ETV1: variants seen among roughly 807,000 people sequenced by gnomAD.
ETV1 encodes ETS variant transcription factor 1, also known as ETS translocation variant 1.
Under a neutral mutation model 62.3 loss-of-function variants are expected in ETV1, and 27 were observed. The ratio of observed to expected loss-of-function variants is 0.43; its 90% CI spans 0.32 to 0.60. The LOEUF is 0.60. Among genes scored for constraint, ETV1 ranks in the 20% least tolerant of loss-of-function variants. ETV1 has a pLI of 0.06. For synonymous variants in ETV1, 222 were observed against 199.6 expected (o/e 1.11, Z -0.94); for missense variants, 605 against 605.8 (o/e 1.00, Z 0.01).
At chr7:13,924,869 T>C (rs1400621325) in intron 9 of ETV1, among the ~76,000 whole-genome samples, 1 of 152,196 alleles carries the variant, frequency 6.6e-6, no homozygotes, top group African/African-American at 2.4e-5. Context: ...GATTTAGAAT[T>C]CTATGAAACA....
chr7:13,898,189 G>C (rs765285847), intron 13 of ETV1, among the ~76,000 whole-genome samples: 21 of 152,124 alleles, frequency 1.4e-4, no homozygotes, highest in Non-Finnish European at 2.9e-4. Flanking sequence ...AAGTACTAAC[G>C]TGCAAAATGC....
chr7:13,937,717 A>T (rs1278233512), intron 7 of ETV1, among the ~76,000 whole-genome samples: 1 of 152,196 alleles, frequency 6.6e-6, no homozygotes, highest in Non-Finnish European at 1.5e-5. Flanking sequence ...TAAACTATAA[A>T]ATAAAACTCA....
rs1160870142 is a variant in ETV1 at position 13,901,742 on chromosome 7, T to A, written c.1111-903A>T. The stretch of plus-strand genomic sequence containing the variant: ...CTGTGGGTAATACCAAACTGAAGAA[T>A]TAAGCATTCATTTAGAGAACGGTAA... On this transcript the variant is annotated intron_variant, in intron 12 of 13. Coordinates refer to ENST00000430479, the MANE Select transcript of ETV1 (RefSeq NM_004956.5). 3.3e-5 allele frequency among the ~76,000 whole-genome samples: 5 copies of A among 152,152 alleles called. No homozygotes were observed. In the East Asian group the frequency reaches 9.6e-4, roughly 29 times the overall value.
rs545974980 is a variant in ETV1, at chr7:13,970,116, C to T, written c.235+7311G>A. On this transcript the variant is annotated intron_variant, in intron 6 of 13. Transcript: ENST00000430479. ...CTAAAAATACAAAAAAAAAAATTAG[C>T]CTGGCGTGGTGGCGGGCGCCTGTGG... Among the ~76,000 whole-genome samples, 6 of 151,756 alleles carry T rather than the reference C, an allele frequency of 4.0e-5. No homozygotes were observed. In the East Asian group the frequency reaches 1.2e-3, roughly 30 times the overall value.
chr7:13,966,492 G>C (rs759715175), intron 6 of ETV1, among the ~76,000 whole-genome samples: 4 of 151,960 alleles, frequency 2.6e-5, no homozygotes, highest in Non-Finnish European at 4.4e-5. Flanking sequence ...AAATTAGCTG[G>C]GGATGGTGGT....
At chr7:13,948,963 AT>A (rs1007430570) in intron 6 of ETV1, among the ~76,000 whole-genome samples, 1 of 152,214 alleles carries the variant, frequency 6.6e-6, no homozygotes, top group Non-Finnish European at 1.5e-5. Flanking sequence ...GATTAAAAAA[AT>A]GACACAAAAT....
chr7:13,927,273 C>T (rs191061035), intron 9 of ETV1, among the ~76,000 whole-genome samples: 1 of 152,030 alleles, frequency 6.6e-6, no homozygotes, highest in African/African-American at 2.4e-5. Context: ...ACATGATGAA[C>T]CCCTGTCTCT....
At chr7:13,954,326 C>T (rs145686829) in intron 6 of ETV1, among the ~76,000 whole-genome samples, 69 of 152,270 alleles carry the variant, frequency 4.5e-4, no homozygotes, top group African/African-American at 1.5e-3. Context: ...TCATCTCACA[C>T]GGATTAGCAT....
chr7:13,940,085 G>A (rs967811927), intron 6 of ETV1, among the ~76,000 whole-genome samples: 9 of 152,150 alleles, frequency 5.9e-5, no homozygotes, highest in African/African-American at 1.7e-4. Context: ...GCTATAGGCC[G>A]GGCGCCGTGG....
rs577414428 is a variant in ETV1 at position 13,916,497 on chromosome 7, G to T, written c.803-5190C>A. Among the ~76,000 whole-genome samples the T allele has an allele frequency of 8.7e-4, 133 of 152,032 alleles. 1 individual carries two copies. Among genetic ancestry groups the T allele is most frequent in the Admixed American group, 4.4e-3 (67 of 15,252 alleles). ...TACTAAAAATACAAAATTTAGCTGG[G>T]CATGGTGGCGCGTGCCTGTCATCCC... On this transcript the variant is annotated intron_variant, in intron 9 of 13. Coordinates refer to ENST00000430479, the MANE Select transcript of ETV1 (RefSeq NM_004956.5).
At chr7:13,951,203 C>A (rs1203327651) in intron 6 of ETV1, among the ~76,000 whole-genome samples, 1 of 152,112 alleles carries the variant, frequency 6.6e-6, no homozygotes, top group East Asian at 1.9e-4. Context: ...CTCTCTCTCA[C>A]ACACACATAC....
chr7:13,989,624 A>C lies in ETV1; in HGVS notation c.-346T>G, dbSNP rs1056092407. 1 of 399,118 alleles carries C rather than the reference A, an allele frequency of 2.5e-6. No homozygotes were observed. The highest frequency in any genetic ancestry group is 4.4e-6 in the Non-Finnish European group (1 of 226,144). 24.7% of individuals were successfully genotyped at this position (399,118 alleles called of 1,614,324 possible). On this transcript the variant is annotated 5_prime_UTR_variant, in exon 1 of 14. Transcript: ENST00000430479. Reference sequence around the variant, plus strand: ...CCCTCCAAATTTAATAAAAACATTAATTATAGCCCAGCACTTCCCCCTTGG... The same window carrying C: ...CCCTCCAAATTTAATAAAAACATTACTTATAGCCCAGCACTTCCCCCTTGG...
chr7:13,962,051 T>A (rs1351930065), intron 6 of ETV1, among the ~76,000 whole-genome samples: 1 of 152,080 alleles, frequency 6.6e-6, no homozygotes, highest in Non-Finnish European at 1.5e-5. Context: ...TGATATATTA[T>A]GAATGTTATG....
At chr7:13,970,304 A>G (rs977674561) in intron 6 of ETV1, among the ~76,000 whole-genome samples, 16 of 144,994 alleles carry the variant, frequency 1.1e-4, no homozygotes, top group South Asian at 8.6e-4. Flanking sequence ...ACACACACAC[A>G]CACACACACA....
At chr7:13,931,145 C>T (rs1786095606) in intron 9 of ETV1, among the ~76,000 whole-genome samples, 1 of 151,964 alleles carries the variant, frequency 6.6e-6, no homozygotes, top group African/African-American at 2.4e-5. Flanking sequence ...ATATTACTTT[C>T]TGTAAACATT....
At chr7:13,920,783 A>G (rs1344572811) in intron 9 of ETV1, among the ~76,000 whole-genome samples, 3 of 152,200 alleles carry the variant, frequency 2.0e-5, no homozygotes, top group Admixed American at 6.6e-5. Context: ...AAACTGATAT[A>G]GTGGGCCAGA....
At chr7:13,925,351 T>C (rs982867591) in intron 9 of ETV1, among the ~76,000 whole-genome samples, 11 of 152,186 alleles carry the variant, frequency 7.2e-5, no homozygotes, top group Non-Finnish European at 1.6e-4. Context: ...AATAAAACCC[T>C]AATGGTAGCA....
chr7:13,961,892 T>C (rs1380993154), intron 6 of ETV1, among the ~76,000 whole-genome samples: 2 of 152,122 alleles, frequency 1.3e-5, no homozygotes, highest in African/African-American at 4.8e-5. Flanking sequence ...CTACTTAGTG[T>C]GATCAACAGC....
intron 9 of ETV1, among the ~76,000 whole-genome samples, chr7:13,917,107 C>T (rs551471070): frequency 8.2e-4 from 125 of 151,972 alleles, no homozygotes; most frequent in African/African-American, 2.8e-3. Context: ...TTGTAAGCAC[C>T]TGGGGTTTTC....
Sources: gnomAD v4.1 joint callset for allele counts (sites outside exome capture counted in the v4.1 genomes callset) on GRCh38, gnomAD v4.1.1 for gene constraint, MANE v1.5 for transcripts, NCBI Gene and HGNC (gene_info 2026-07-23, HGNC 2026-07-21) for gene names.